The following GFI1B variants were observed in gnomAD, a reference collection of about 807,000 sequenced individuals.
GFI1B encodes growth factor independent 1B transcriptional repressor.
A neutral mutation model predicts 35.3 loss-of-function variants in GFI1B; 20 were observed. The observed-to-expected ratio is 0.57, with a 90% CI of 0.40 to 0.82. The LOEUF is 0.82. Among genes scored for constraint, GFI1B ranks in the 40% least tolerant of loss-of-function variants. GFI1B has a pLI of 0.00. For synonymous variants in GFI1B, 178 were observed against 177.6 expected, an observed-to-expected ratio of 1.00 and a Z score of -0.02; for missense variants, 430 against 446.3, an observed-to-expected ratio of 0.96 and a Z score of 0.33.
chr9:132,989,684 G>T lies in GFI1B; in HGVS notation c.649-58G>T. 6.8e-7 allele frequency: 1 copy of T among 1,467,408 alleles called. No homozygotes were observed. Among genetic ancestry groups the T allele is most frequent in the Admixed American group, 1.7e-5 (1 of 57,980 alleles). 90.9% of individuals were successfully genotyped at this position (1,467,408 alleles called of 1,614,324 possible). On this transcript the variant is annotated intron_variant, in intron 5 of 6. Coordinates refer to ENST00000372122, the MANE Select transcript of GFI1B (RefSeq NM_001377304.1). The surrounding 1 kb of genome is among the most constrained non-coding windows in gnomAD (Gnocchi z 6.2). ...AGTGTCCTGTTCCGCAGGGGATCCCGGCCGGGTCCAGTCCTGAGCCTGCAC... is the reference window on the plus strand; with the variant it reads ...AGTGTCCTGTTCCGCAGGGGATCCCTGCCGGGTCCAGTCCTGAGCCTGCAC...
chr9:132,981,515 G>T (rs1042978722), intron 1 of GFI1B, among the ~76,000 whole-genome samples: 1 of 152,136 alleles, frequency 6.6e-6, no homozygotes, highest in African/African-American at 2.4e-5. Context: ...GTGCATGCCT[G>T]TAGTCCCAGC....
rs201349915 is a variant in GFI1B at position 132,989,784 on chromosome 9, C to T, written c.691C>T (p.Arg231Cys). ...CCGCATGTGCGGCAAGGCCTTCAAG[C>T]GCTCGTCCACGCTGTCCACCCACCT... is the stretch of plus-strand genomic sequence containing the variant. Reference protein sequence around the residue: ...ECRMCGKAFKRSSTLSTHLLI... With the variant: ...ECRMCGKAFKCSSTLSTHLLI... Residue 231 changes from arginine (R) to cysteine (C), a missense_variant, in exon 6 of 7, where the codon CGC (arginine) becomes TGC (cysteine). By Grantham distance (180) the Arg-to-Cys change is radical. Coordinates refer to ENST00000372122, the MANE Select transcript of GFI1B (RefSeq NM_001377304.1). The surrounding 1 kb of genome is among the most constrained non-coding windows in gnomAD (Gnocchi z 6.2). 6.2e-7 allele frequency: 1 copy of T among 1,613,954 alleles called. No homozygotes were observed. The highest frequency in any genetic ancestry group is 8.5e-7 in the Non-Finnish European group (1 of 1,179,784).
intron 1 of GFI1B, among the ~76,000 whole-genome samples, chr9:132,985,164 A>T (rs1564533940): frequency 6.6e-6 from 1 of 152,150 alleles, no homozygotes; most frequent in Non-Finnish European, 1.5e-5. Context: ...CCACCAGAAG[A>T]TGCTCTCCAG....
chr9:132,974,689 T>C (rs143170653), upstream of GFI1B, among the ~76,000 whole-genome samples: 1 of 146,100 alleles, frequency 6.8e-6, no homozygotes, highest in African/African-American at 2.6e-5. Flanking sequence ...GGTGAAGGAA[T>C]AGAAAGTGAC....
At chr9:132,946,911 A>T (rs1243978167) in intron 1 of GFI1B, 1 of 152,414 alleles carries the variant, frequency 6.6e-6, no homozygotes, top group Admixed American at 6.5e-5. Context: ...GGGCATTGTT[A>T]CCTCAATATG....
chr9:132,947,325 A>G (rs1384780026), intron 1 of GFI1B: 1 of 151,826 alleles, frequency 6.6e-6, no homozygotes, highest in African/African-American at 2.4e-5. Context: ...CAGCAGGTGG[A>G]CCAGGCCTGG....
At chr9:132,974,731 T>C (rs1327737080), upstream of GFI1B, among the ~76,000 whole-genome samples, 1 of 151,476 alleles carries the variant, frequency 6.6e-6, no homozygotes, top group Non-Finnish European at 1.5e-5. Context: ...TAGTTGAAGG[T>C]CAAGGAGGTC....
At position 132,965,142 on chromosome 9, in the gene GFI1B, T is replaced by TA. The variant is rs943298839; in HGVS notation, c.-700-7578dup. ...CAAAGTCATAATTACAAAAATAAAT[T>TA]AAAAAGCATCGATTTCCTAGTTCTG... On this transcript the variant is annotated intron_variant, in intron 1 of 10. Transcript: ENST00000339463. Among the ~76,000 whole-genome samples the TA allele has an allele frequency of 1.2e-3, 190 of 152,260 alleles. 2 individuals are homozygous for TA. The highest frequency in any genetic ancestry group is 3.7e-3 in the African/African-American group (152 of 41,540).
At position 132,988,460 on chromosome 9, in the gene GFI1B, T is replaced by G; in HGVS notation, c.502T>G (p.Cys168Gly). Residue 168 changes from cysteine (C) to glycine (G), a missense_variant, in exon 4 of 7, where the codon TGC becomes GGC. Transcript: ENST00000372122. ...PGMDAYHCVKCNKVFSTPHGL... is the reference protein window; with the variant it reads ...PGMDAYHCVKGNKVFSTPHGL... ...CATGGATGCGTACCACTGTGTGAAG[T>G]GCAACAAGGTGGGCAGCGGGGGGTG... 6.2e-7 allele frequency: 1 copy of G among 1,613,534 alleles called. No homozygotes were observed. The highest frequency in any genetic ancestry group is 8.5e-7 in the Non-Finnish European group (1 of 1,179,972).
intron 1 of GFI1B, chr9:132,946,865 C>T (rs1848116402): frequency 1.3e-5 from 2 of 152,506 alleles, no homozygotes; most frequent in Admixed American, 1.3e-4. Flanking sequence ...GCCATAACCA[C>T]ATTGTCACTG....
chr9:132,987,411 C>T lies in GFI1B; in HGVS notation c.230C>T (p.Pro77Leu), dbSNP rs368601873. ...GACCAGAACTTGGCCAGGATGGCCC[C>T]GGCACCAGGTACCCCGCTGTGACCC... ...EQDQNLARMA[P>L]APEGPIVLSR... The change falls in exon 3 of 7, where the codon CCG (proline) becomes CTG (leucine). Residue 77 changes from proline to leucine, a missense_variant. Transcript: ENST00000372122. The T allele has an allele frequency of 2.8e-5, 46 of 1,614,228 alleles. No individual in the cohort carries two copies. The highest frequency in any genetic ancestry group is 3.3e-5 in the Non-Finnish European group (39 of 1,180,026).
upstream of GFI1B, among the ~76,000 whole-genome samples, chr9:132,978,286 A>AGAAGGAAGGAAAAAGGAGGGAAGGAGG (rs1848693241): frequency 6.6e-6 from 1 of 151,142 alleles, no homozygotes; most frequent in Non-Finnish European, 1.5e-5. Context: ...AAGGAGGAAG[A>AGAAGGAAGGAAAAAGGAGGGAAGGAGG]GAAGGAAGGA....
intron 1 of GFI1B, among the ~76,000 whole-genome samples, chr9:132,950,125 TAAC>T (rs1205769210): frequency 1.3e-5 from 2 of 151,518 alleles, no homozygotes; most frequent in Non-Finnish European, 3.0e-5. Context: ...AAAATAAAAA[TAAC>T]ACACACACAC....
At chr9:132,988,595 C>T (rs1245821784) in intron 4 of GFI1B, 127 bp downstream of exon 4, 18 of 871,682 alleles carry the variant, frequency 2.1e-5, no homozygotes, top group African/African-American at 6.6e-5. Context: ...GGATTCAAAA[C>T]GTTCATCCTC....
chr9:132,990,326 G>C (rs809749), intron 6 of GFI1B, among the ~76,000 whole-genome samples: 100,838 of 138,142 alleles, frequency 0.73, 37,510 homozygotes, highest in Admixed American at 0.8. Flanking sequence ...CATTTGTTCA[G>C]TCATTCATTC....
chr9:132,974,148 T>TCA (rs1848583274), upstream of GFI1B, among the ~76,000 whole-genome samples: 5 of 152,238 alleles, frequency 3.3e-5, no homozygotes, highest in Non-Finnish European at 5.9e-5. Context: ...ATTCATTCAT[T>TCA]TATTCACTCT....
chr9:132,950,704 T>A lies in GFI1B; in HGVS notation c.-701+5035T>A, dbSNP rs1390046111. Among the ~76,000 whole-genome samples, 3 of 80,976 alleles carry A rather than the reference T, an allele frequency of 3.7e-5. 1 individual carries two copies. The highest frequency in any genetic ancestry group is 7.8e-5 in the Non-Finnish European group (3 of 38,418). The allele number at this position is 80,976 out of a possible 152,430, so 53.1% of individuals were successfully genotyped here. ...ACACACTATGCACTACACTATACTA[T>A]ACACTACACTACACTATACACTATA... On this transcript the variant is annotated intron_variant, in intron 1 of 10. Transcript: ENST00000339463.
chr9:132,968,290 A>T (rs558071432), intron 1 of GFI1B, among the ~76,000 whole-genome samples: 18 of 148,618 alleles, frequency 1.2e-4, no homozygotes, highest in South Asian at 2.1e-4. Flanking sequence ...ATTAAAGAAA[A>T]ATTTTTTTTT....
rs775420059 is a variant in GFI1B, at chr9:132,987,404, A to C, written c.223A>C (p.Met75Leu). ...ELEQDQNLAR[M>L]APAPEGPIVL... ...GGAGCAGGACCAGAACTTGGCCAGG[A>C]TGGCCCCGGCACCAGGTACCCCGCT... Residue 75 changes from methionine (M) to leucine (L), a missense_variant, in exon 3 of 7, where the codon ATG becomes CTG. By Grantham distance (15) the Met-to-Leu change is conservative. Transcript: ENST00000372122. 1.2e-6 allele frequency: 2 copies of C among 1,614,244 alleles called. No homozygotes were observed. The highest frequency in any genetic ancestry group is 1.7e-6 in the Non-Finnish European group (2 of 1,180,036).
Sources: gnomAD v4.1 joint callset for allele counts (sites outside exome capture counted in the v4.1 genomes callset) on GRCh38, gnomAD v4.1.1 for gene constraint, Gnocchi (gnomAD v3.1) non-coding constraint, MANE v1.5 for transcripts, NCBI Gene and HGNC (gene_info 2026-07-23, HGNC 2026-07-21) for gene names.